The following MOB3B variants were observed in gnomAD, a reference collection of about 807,000 sequenced individuals.
MOB3B encodes MOB kinase activator 3B, also known as MOB kinase activator-like 2B.
MOB3B carries 7 observed loss-of-function variants against 18.7 expected under a neutral mutation model. The observed-to-expected ratio is 0.37, with a 90% CI of 0.21 to 0.70. The LOEUF (loss-of-function observed/expected upper bound fraction) is 0.70. MOB3B is among the 30% of genes least tolerant of loss of function. The pLI is 0.52. For missense variants in MOB3B, 253 were observed against 281.3 expected, an observed-to-expected ratio of 0.90 and a Z score of 0.72; for synonymous variants, 111 against 99.9, an observed-to-expected ratio of 1.11 and a Z score of -0.66.
chr9:27,515,672 C>A (rs2131503652), intron 1 of MOB3B, among the ~76,000 whole-genome samples: 2 of 152,296 alleles, frequency 1.3e-5, no homozygotes, highest in South Asian at 4.1e-4. Flanking sequence ...CTAACACTAT[C>A]TACTCATATA....
At chr9:27,420,280 T>C (rs1355338934) in intron 2 of MOB3B, among the ~76,000 whole-genome samples, 1 of 152,002 alleles carries the variant, frequency 6.6e-6, no homozygotes, top group Non-Finnish European at 1.5e-5. Context: ...AGAACTACCA[T>C]TTGATCCAGC....
chr9:27,522,593 G>T (rs1209892361), intron 1 of MOB3B, among the ~76,000 whole-genome samples: 1 of 151,590 alleles, frequency 6.6e-6, no homozygotes, highest in Non-Finnish European at 1.5e-5. Context: ...TTCTACTGAT[G>T]GCTTACTTAA....
intron 2 of MOB3B, among the ~76,000 whole-genome samples, chr9:27,411,949 A>G (rs923221912): frequency 6.6e-6 from 1 of 152,212 alleles, no homozygotes; most frequent in African/African-American, 2.4e-5. Context: ...AGAACCCTGT[A>G]CTATCTGCTC....
intron 2 of MOB3B, among the ~76,000 whole-genome samples, chr9:27,384,373 G>A (rs571176990): frequency 3.3e-5 from 5 of 152,168 alleles, no homozygotes; most frequent in African/African-American, 1.2e-4. Context: ...GACCTCTGAT[G>A]GCATTTGGTA....
intron 1 of MOB3B, among the ~76,000 whole-genome samples, chr9:27,484,557 T>C (rs1225242561): frequency 6.6e-6 from 1 of 152,180 alleles, no homozygotes; most frequent in Non-Finnish European, 1.5e-5. Context: ...TTTGAAAATA[T>C]TTTGTTAGCC....
intron 2 of MOB3B, among the ~76,000 whole-genome samples, chr9:27,386,637 C>A (rs1405645439): frequency 6.6e-6 from 1 of 152,218 alleles, no homozygotes; most frequent in Non-Finnish European, 1.5e-5. Flanking sequence ...TCATGTGGAA[C>A]ACTGTACCAG....
In MOB3B at chr9:27,455,396, C is replaced by T; in HGVS notation, c.155G>A (p.Ser52Asn). ...VDLKAAVQLP[S>N]GEDQNDWVAV... is the part of the protein sequence containing the mutation. Reference sequence around the variant, plus strand: ...CACCCAGTCATTCTGGTCCTCCCCACTGGGCAACTGCACAGCCGCCTTCAG... The same window carrying T: ...CACCCAGTCATTCTGGTCCTCCCCATTGGGCAACTGCACAGCCGCCTTCAG... The change falls in exon 2 of 4, where the codon AGT (serine) becomes AAT (asparagine). Residue 52 changes from serine to asparagine, a missense_variant. By Grantham distance (46) the Ser-to-Asn change is conservative. Coordinates refer to ENST00000262244, the MANE Select transcript of MOB3B (RefSeq NM_024761.5). The T allele has an allele frequency of 3.1e-6, 5 of 1,614,238 alleles. No homozygotes were observed. Among genetic ancestry groups the T allele is most frequent in the South Asian group, 1.1e-5 (1 of 91,090 alleles).
In MOB3B at chr9:27,445,694, G is replaced by T. The variant is rs1334368345; in HGVS notation, c.418+9439C>A. ...TTAACTGTAGTAGAATTCCCAGGCT[G>T]GGTCAAGCAATCAAGGAGGTATTGA... On this transcript the variant is annotated intron_variant, in intron 2 of 3. Transcript: ENST00000262244. Among the ~76,000 whole-genome samples the T allele has an allele frequency of 2.6e-5, 4 of 152,046 alleles. No homozygotes were observed. The East Asian group carries it at 7.7e-4, about 29-fold the overall frequency.
In MOB3B at chr9:27,429,451, A is replaced by G. The variant is rs80325556; in HGVS notation, c.418+25682T>C. On this transcript the variant is annotated intron_variant, in intron 2 of 3. Transcript: ENST00000262244. ...AAAGGAAAAGAAAGGGGACAAAACC[A>G]TCCTAAAAATATTCTAATCACACTC... is the stretch of plus-strand genomic sequence containing the variant. Among the ~76,000 whole-genome samples, 839 of 152,380 alleles carry G rather than the reference A, an allele frequency of 5.5e-3. 4 individuals are homozygous for G. The highest frequency in any genetic ancestry group is 9.1e-3 in the South Asian group (44 of 4,828).
chr9:27,439,482 G>T (rs1411596143), intron 2 of MOB3B, among the ~76,000 whole-genome samples: 1 of 152,078 alleles, frequency 6.6e-6, no homozygotes, highest in Non-Finnish European at 1.5e-5. Context: ...ACCTTATTAT[G>T]GGAGGTTTTT....
intron 2 of MOB3B, among the ~76,000 whole-genome samples, chr9:27,375,394 T>C (rs1188806563): frequency 6.6e-6 from 1 of 152,252 alleles, no homozygotes; most frequent in Non-Finnish European, 1.5e-5. Flanking sequence ...ATGGGCTTCA[T>C]GTTTTGCAAT....
intron 2 of MOB3B, among the ~76,000 whole-genome samples, chr9:27,374,426 C>T (rs145333484): frequency 1.4e-4 from 22 of 152,260 alleles, no homozygotes; most frequent in Admixed American, 7.2e-4. Context: ...AATGGTTAGT[C>T]ATGGAGTTTA....
chr9:27,483,321 A>T (rs1485476222), intron 1 of MOB3B, among the ~76,000 whole-genome samples: 1 of 151,518 alleles, frequency 6.6e-6, no homozygotes, highest in Non-Finnish European at 1.5e-5. Context: ...TTTAATAGAA[A>T]CGGGGTTTCA....
chr9:27,474,669 A>T (rs1336160649), intron 1 of MOB3B, among the ~76,000 whole-genome samples: 1 of 152,208 alleles, frequency 6.6e-6, no homozygotes, highest in African/African-American at 2.4e-5. Context: ...AAGGGAAGAG[A>T]CATTCATGAC....
chr9:27,440,002 AC>A (rs1314574858), intron 2 of MOB3B, among the ~76,000 whole-genome samples: 2 of 152,184 alleles, frequency 1.3e-5, no homozygotes, highest in Non-Finnish European at 2.9e-5. Context: ...CACCTAGTTA[AC>A]CTACAGTGGA....
chr9:27,358,915 C>T (rs1433232951), intron 3 of MOB3B, 119 bp downstream of exon 3: 2 of 1,035,832 alleles, frequency 1.9e-6, no homozygotes, highest in African/African-American at 1.6e-5. Flanking sequence ...TTCAATTCTG[C>T]AGCCCTCAGG....
chr9:27,523,103 T>C (rs1820365384), intron 1 of MOB3B, among the ~76,000 whole-genome samples: 1 of 152,172 alleles, frequency 6.6e-6, no homozygotes, highest in African/African-American at 2.4e-5. Flanking sequence ...AATGACTTAA[T>C]TGCAAATTAA....
chr9:27,434,282 C>T (rs1352499023), intron 2 of MOB3B, among the ~76,000 whole-genome samples: 2 of 152,092 alleles, frequency 1.3e-5, no homozygotes, highest in African/African-American at 4.8e-5. Context: ...AATCTTTCAA[C>T]CCCCTCCTCT....
At chr9:27,410,068 T>A (rs996685594) in intron 2 of MOB3B, among the ~76,000 whole-genome samples, 56 of 152,282 alleles carry the variant, frequency 3.7e-4, no homozygotes, top group African/African-American at 1.3e-3. Context: ...TTAAAAATGG[T>A]GAAAATGGTA....
Sources: gnomAD v4.1 joint callset for allele counts (sites outside exome capture counted in the v4.1 genomes callset) on GRCh38, gnomAD v4.1.1 for gene constraint, MANE v1.5 for transcripts, NCBI Gene and HGNC (gene_info 2026-07-23, HGNC 2026-07-21) for gene names.